Variants in PCDH9 observed in about 807,000 individuals in gnomAD.
PCDH9 encodes protocadherin 9, also known as protocadherin-9.
PCDH9 carries 24 observed loss-of-function variants against 70.6 expected under a neutral mutation model. The ratio of observed to expected loss-of-function variants is 0.34; its 90% CI spans 0.25 to 0.48. PCDH9 has a LOEUF of 0.48. Ranked by LOEUF, PCDH9 falls within the 20% of genes least tolerant of loss-of-function variation. The probability of loss-of-function intolerance (pLI) is 0.99; values close to 1 mark genes in which losing one functional copy is unlikely to be tolerated. For missense variants in PCDH9, 1,281 were observed against 1,503.6 expected (o/e 0.85, Z 2.45); for synonymous variants, 562 against 558.5 (o/e 1.01, Z -0.09).
intron 3 of PCDH9, among the ~76,000 whole-genome samples, chr13:66,650,175 TC>T (rs2077830631): frequency 6.6e-6 from 1 of 151,244 alleles, no homozygotes; most frequent in Admixed American, 6.6e-5. Context: ...AACTGTCCAA[TC>T]AAAAAAAATA....
chr13:66,393,545 C>A (rs536037860), intron 4 of PCDH9, among the ~76,000 whole-genome samples: 1 of 152,116 alleles, frequency 6.6e-6, no homozygotes, highest in Non-Finnish European at 1.5e-5. Context: ...TTAGGGAATG[C>A]CCACAGGAAT....
At chr13:66,358,439 C>G (rs916073844) in intron 4 of PCDH9, among the ~76,000 whole-genome samples, 1 of 151,880 alleles carries the variant, frequency 6.6e-6, no homozygotes, top group Admixed American at 6.6e-5. Flanking sequence ...TGCAAAGGAA[C>G]TTTTAAAGCT....
chr13:66,439,655 T>G (rs1957938331), intron 4 of PCDH9, among the ~76,000 whole-genome samples: 2 of 152,200 alleles, frequency 1.3e-5, no homozygotes, highest in Admixed American at 1.3e-4. Context: ...AGTGTTTTTA[T>G]TATTGACAGA....
intron 2 of PCDH9, among the ~76,000 whole-genome samples, chr13:66,978,709 A>C (rs1245250826): frequency 2.7e-5 from 4 of 149,554 alleles, no homozygotes; most frequent in Non-Finnish European, 5.9e-5. Flanking sequence ...TAATTGTATA[A>C]TATGTTGTTT....
intron 4 of PCDH9, among the ~76,000 whole-genome samples, chr13:66,430,688 T>C (rs777770566): frequency 2.6e-5 from 4 of 152,020 alleles, no homozygotes; most frequent in Non-Finnish European, 5.9e-5. Flanking sequence ...ACAATTTTTA[T>C]CCATTTTTAC....
At chr13:66,630,499 A>AC (rs1195764686) in intron 4 of PCDH9, among the ~76,000 whole-genome samples, 1 of 152,130 alleles carries the variant, frequency 6.6e-6, no homozygotes, top group Non-Finnish European at 1.5e-5. Flanking sequence ...CAAGGAAAAC[A>AC]CCCCCCAACA....
Position 66,322,984 on chromosome 13 carries a change from C to T in PCDH9, c.3341-17956G>A, listed in dbSNP as rs1014247091. ...TGAACTGTGATATGTTATATGTTTCCATTTTTAAAGCAAAAATATAGTTTT... is the reference window on the plus strand; with the variant it reads ...TGAACTGTGATATGTTATATGTTTCTATTTTTAAAGCAAAAATATAGTTTT... On this transcript the variant is annotated intron_variant, in intron 4 of 4. Transcript: ENST00000377865. 2.0e-5 allele frequency among the ~76,000 whole-genome samples: 3 copies of T among 152,016 alleles called. 1 individual carries two copies. The highest frequency in any genetic ancestry group is 2.0e-4 in the Admixed American group (3 of 15,264).
At chr13:66,312,689 G>A (rs577621406) in intron 4 of PCDH9, among the ~76,000 whole-genome samples, 28 of 152,032 alleles carry the variant, frequency 1.8e-4, no homozygotes, top group African/African-American at 6.7e-4. Context: ...GAATAACTAC[G>A]TTTTTAAATG....
chr13:66,789,275 G>A (rs1483540758), intron 3 of PCDH9, among the ~76,000 whole-genome samples: 1 of 152,104 alleles, frequency 6.6e-6, no homozygotes, highest in Non-Finnish European at 1.5e-5. Context: ...CATAGCCTAG[G>A]CTCTTAACCA....
rs551389939 is a variant in PCDH9, at chr13:67,001,162, G to A, written c.3037-97557C>T. 9.9e-5 allele frequency among the ~76,000 whole-genome samples: 15 copies of A among 152,240 alleles called. No homozygotes were observed. The South Asian group carries it at 2.5e-3, about 25-fold the overall frequency. ...ATGTTTATTTTCCAACTAGAGAGCCGATAAGCTTGTTTTTATAACAACATA... is the reference window on the plus strand; with the variant it reads ...ATGTTTATTTTCCAACTAGAGAGCCAATAAGCTTGTTTTTATAACAACATA... On this transcript the variant is annotated intron_variant, in intron 2 of 4. Coordinates refer to ENST00000377865, the MANE Select transcript of PCDH9 (RefSeq NM_203487.3).
At chr13:66,454,126 A>T (rs1958269420) in intron 4 of PCDH9, among the ~76,000 whole-genome samples, 2 of 152,082 alleles carry the variant, frequency 1.3e-5, no homozygotes, top group South Asian at 4.1e-4. Flanking sequence ...GAAGAAAAAA[A>T]AGTCCCCAAA....
Position 67,226,596 on chromosome 13 carries a change from A to G in PCDH9, c.1845T>C (p.Asn615=). Reference sequence around the variant, plus strand: ...AATAGGGATCCAACACAAAATTATCATTGTCATTTAGAATGGAAAGAGTCA... The same window carrying G: ...AATAGGGATCCAACACAAAATTATCGTTGTCATTTAGAATGGAAAGAGTCA... ...KAVTLSILND[N]DNFVLDPYSG... The change falls in exon 2 of 5, where the codon AAT becomes AAC. Residue 615 remains asparagine (N), a synonymous_variant. Transcript: ENST00000377865. This position sits in a 1 kb window ranked among gnomAD's most constrained non-coding sequence, Gnocchi z 5.0. 6.2e-7 allele frequency: 1 copy of G among 1,613,986 alleles called. No homozygotes were observed. The highest frequency in any genetic ancestry group is 8.5e-7 in the Non-Finnish European group (1 of 1,179,880).
chr13:66,489,117 T>A (rs1958992344), intron 4 of PCDH9, among the ~76,000 whole-genome samples: 3 of 152,208 alleles, frequency 2.0e-5, no homozygotes, highest in South Asian at 4.1e-4. Context: ...GTAGACACTT[T>A]TCAAACTAAA....
chr13:66,660,719 C>T (rs536468723), intron 3 of PCDH9, among the ~76,000 whole-genome samples: 1 of 152,050 alleles, frequency 6.6e-6, no homozygotes, highest in Admixed American at 6.6e-5. Context: ...AAACATAATT[C>T]ATAAGGAATA....
At chr13:66,902,673 G>A (rs1348018436) in intron 3 of PCDH9, among the ~76,000 whole-genome samples, 1 of 151,484 alleles carries the variant, frequency 6.6e-6, no homozygotes, top group Admixed American at 6.6e-5. Context: ...TTTAATATTA[G>A]TTAACTATTA....
At chr13:66,511,429 G>A (rs1246795188) in intron 4 of PCDH9, among the ~76,000 whole-genome samples, 1 of 151,948 alleles carries the variant, frequency 6.6e-6, no homozygotes, top group East Asian at 1.9e-4. Context: ...TACCTCATGG[G>A]ATTGTTCAAT....
intron 4 of PCDH9, among the ~76,000 whole-genome samples, chr13:66,557,781 A>G (rs1165585608): frequency 6.6e-6 from 1 of 152,216 alleles, no homozygotes; most frequent in East Asian, 1.9e-4. Context: ...ACAAAGGTAG[A>G]TGGAGAGTAC....
chr13:66,801,179 A>G (rs573843572), intron 3 of PCDH9, among the ~76,000 whole-genome samples: 2 of 152,082 alleles, frequency 1.3e-5, no homozygotes, highest in Non-Finnish European at 2.9e-5. Flanking sequence ...ATTAATGAAC[A>G]TAATTGAAAA....
chr13:66,365,439 C>T (rs1449650320), intron 4 of PCDH9, among the ~76,000 whole-genome samples: 7 of 152,162 alleles, frequency 4.6e-5, no homozygotes, highest in Admixed American at 2.6e-4. Flanking sequence ...TCAGGAAAAG[C>T]TAGTAGCTGT....
Sources: gnomAD v4.1 joint callset for allele counts (sites outside exome capture counted in the v4.1 genomes callset) on GRCh38, gnomAD v4.1.1 for gene constraint, Gnocchi (gnomAD v3.1) non-coding constraint, MANE v1.5 for transcripts, NCBI Gene and HGNC (gene_info 2026-07-23, HGNC 2026-07-21) for gene names.